STT3A: variants seen among roughly 807,000 people sequenced by gnomAD.
The protein encoded by STT3A is STT3 oligosaccharyltransferase complex catalytic subunit A, also known as dolichyl-diphosphooligosaccharide--protein glycosyltransferase subunit STT3A.
A neutral mutation model predicts 89.2 loss-of-function variants in STT3A; 34 were observed. The ratio of observed to expected loss-of-function variants is 0.38; its 90% CI spans 0.29 to 0.51. The LOEUF is 0.51. Ranked by LOEUF, STT3A falls within the 20% of genes least tolerant of loss-of-function variation. STT3A has a pLI of 0.89. For missense variants in STT3A, 555 were observed against 889.5 expected (o/e 0.62, Z 4.78); for synonymous variants, 282 against 310.3 (o/e 0.91, Z 0.96).
At chr11:125,618,310 C>A in intron 15 of STT3A, 63 bp from the exon 16 acceptor site, 1 of 1,457,330 alleles carries the variant, frequency 6.9e-7, no homozygotes, top group Admixed American at 2.5e-5. Context: ...CTTAGAAATA[C>A]TAACCTGCTT....
chr11:125,607,356 T>G (rs1939870345), intron 8 of STT3A, among the ~76,000 whole-genome samples: 1 of 152,238 alleles, frequency 6.6e-6, no homozygotes, highest in African/African-American at 2.4e-5. Flanking sequence ...AATCATAAGT[T>G]GAAAAGCATT....
At chr11:125,605,516 T>TA (rs1013472506) in intron 6 of STT3A, 113 bp from the exon 7 acceptor site, 1 of 684,876 alleles carries the variant, frequency 1.5e-6, no homozygotes, top group African/African-American at 1.8e-5. Context: ...ATAATTTGCC[T>TA]AAAATTACAC....
At chr11:125,616,014 G>A (rs1299485675) in intron 15 of STT3A, among the ~76,000 whole-genome samples, 1 of 152,184 alleles carries the variant, frequency 6.6e-6, no homozygotes, top group Admixed American at 6.5e-5. Context: ...ACCCCAGCCT[G>A]GGTGACAGAG....
At position 125,619,891 on chromosome 11, in the gene STT3A, C is replaced by T. The variant is rs1038175554; in HGVS notation, c.1964-120C>T. On this transcript the variant is annotated intron_variant, in intron 16 of 17. Transcript: ENST00000392708. ...TGCCCTTTTTTGCAGGCTCTACTCTCAACAAATTGCAGGCTGAGGAATAAT... is the reference window on the plus strand; with the variant it reads ...TGCCCTTTTTTGCAGGCTCTACTCTTAACAAATTGCAGGCTGAGGAATAAT... 12 of 854,454 alleles carry T rather than the reference C, an allele frequency of 1.4e-5. No individual in the cohort carries two copies. The South Asian group carries it at 1.9e-4, about 14-fold the overall frequency. The allele number at this position is 854,454 out of a possible 1,614,324, so 52.9% of individuals were successfully genotyped here. A position where few individuals can be genotyped will look rare whatever the true frequency, so the allele number is the denominator to read the frequency against.
intron 10 of STT3A, 72 bp from the exon 11 acceptor site, chr11:125,611,356 A>T: frequency 8.6e-7 from 1 of 1,158,808 alleles, no homozygotes. Context: ...CAGTCATATA[A>T]TGAAGATACT....
upstream of STT3A, chr11:125,592,621 C>A (rs1162630598): frequency 5.1e-6 from 2 of 395,052 alleles, no homozygotes; most frequent in Non-Finnish European, 1.0e-5. Flanking sequence ...GTTCTTTCCG[C>A]GCTCTTGACT....
chr11:125,619,453 A>G (rs1940282830), intron 16 of STT3A, among the ~76,000 whole-genome samples: 1 of 152,214 alleles, frequency 6.6e-6, no homozygotes, highest in Non-Finnish European at 1.5e-5. Flanking sequence ...TCAAACTGAC[A>G]AAGAGTGGCT....
intron 11 of STT3A, among the ~76,000 whole-genome samples, chr11:125,612,240 G>T (rs962719639): frequency 1.1e-4 from 16 of 152,056 alleles, no homozygotes; most frequent in African/African-American, 3.6e-4. Context: ...CTAGGTAAAT[G>T]GTTGTTAATA....
At chr11:125,601,723 A>G (rs1715499004) in intron 3 of STT3A, among the ~76,000 whole-genome samples, 1 of 152,140 alleles carries the variant, frequency 6.6e-6, no homozygotes, top group Non-Finnish European at 1.5e-5. Context: ...CCTAATGCCT[A>G]CCACATGTCA....
chr11:125,603,961 T>C (rs1159180451), intron 5 of STT3A, among the ~76,000 whole-genome samples, 196 bp from the exon 6 acceptor site: 5 of 152,220 alleles, frequency 3.3e-5, no homozygotes, highest in Non-Finnish European at 7.3e-5. Flanking sequence ...TTTGGTGTCA[T>C]CATGGGGAAT....
chr11:125,602,360 T>C lies in STT3A; in HGVS notation c.207T>C (p.His69=), dbSNP rs114712470. The change falls in exon 4 of 18, where the codon CAT becomes CAC. Residue 69 remains histidine (H), a synonymous_variant. Coordinates refer to ENST00000392708, the MANE Select transcript of STT3A (RefSeq NM_152713.5). The stretch of plus-strand genomic sequence containing the variant: ...CTGAGGAGGGGTTTTATAAATTCCA[T>C]AACTGGTTTGATGACCGAGCCTGGT... The part of the protein sequence containing the change: ...FLAEEGFYKF[H]NWFDDRAWYP... 6.2e-7 allele frequency: 1 copy of C among 1,613,942 alleles called. No individual in the cohort carries two copies. The highest frequency in any genetic ancestry group is 1.3e-5 in the African/African-American group (1 of 74,982).
At chr11:125,617,224 C>T (rs915939856) in intron 15 of STT3A, among the ~76,000 whole-genome samples, 4 of 152,070 alleles carry the variant, frequency 2.6e-5, no homozygotes, top group African/African-American at 9.7e-5. Context: ...GGATGTTTAC[C>T]ATGTGACAAA....
upstream of STT3A, chr11:125,592,735 G>T: frequency 3.4e-6 from 1 of 296,704 alleles, no homozygotes; most frequent in South Asian, 2.6e-5. Flanking sequence ...TCGCGGCCCG[G>T]TTTACGCCTC....
intron 7 of STT3A, 77 bp downstream of exon 7, chr11:125,605,812 A>G: frequency 7.7e-7 from 1 of 1,298,514 alleles, no homozygotes; most frequent in South Asian, 1.4e-5. Context: ...TTGTTTGACC[A>G]ACTTTCTTTT....
At chr11:125,592,622 G>A (rs1414167169), upstream of STT3A, 2 of 392,926 alleles carry the variant, frequency 5.1e-6, no homozygotes, top group Admixed American at 5.9e-5. Context: ...TTCTTTCCGC[G>A]CTCTTGACTC....
intron 10 of STT3A, 72 bp downstream of exon 10, chr11:125,609,661 C>G: frequency 6.5e-7 from 1 of 1,545,088 alleles, no homozygotes; most frequent in Non-Finnish European, 8.7e-7. Context: ...TGCAAGCTAC[C>G]CTCATTCGTG....
intron 1 of STT3A, 75 bp from the exon 2 acceptor site, chr11:125,595,806 C>T (rs1448620952): frequency 2.1e-5 from 16 of 753,808 alleles, no homozygotes; most frequent in Non-Finnish European, 3.0e-5. Context: ...TTATGATTCC[C>T]TCTCATCATA....
chr11:125,610,332 T>TG (rs1939967801), intron 10 of STT3A, among the ~76,000 whole-genome samples: 1 of 152,242 alleles, frequency 6.6e-6, no homozygotes, highest in South Asian at 2.1e-4. Context: ...CCCATAGTGC[T>TG]GGGATTACAG....
chr11:125,603,056 G>A, intron 5 of STT3A, 108 bp downstream of exon 5: 2 of 1,384,366 alleles, frequency 1.4e-6, no homozygotes, highest in Non-Finnish European at 2.0e-6. Context: ...GAGCCAGAAG[G>A]TGAAGACAGC....
Sources: gnomAD v4.1 joint callset for allele counts (sites outside exome capture counted in the v4.1 genomes callset) on GRCh38, gnomAD v4.1.1 for gene constraint, MANE v1.5 for transcripts, NCBI Gene and HGNC (gene_info 2026-07-23, HGNC 2026-07-21) for gene names.